The following FAM227B variants were observed in gnomAD, a reference collection of about 807,000 sequenced individuals.
FAM227B encodes the protein family with sequence similarity 227 member B.
FAM227B carries 88 observed loss-of-function variants against 73.8 expected under a neutral mutation model. The ratio of observed to expected loss-of-function variants is 1.19; its 90% confidence interval spans 1.00 to 1.42. FAM227B has a LOEUF of 1.42. Ranked by LOEUF, FAM227B falls within the 40% of genes most tolerant of loss-of-function variation. The pLI is 0.00. For synonymous variants in FAM227B, 210 were observed against 190.5 expected (o/e 1.10, Z -0.84); for missense variants, 632 against 590.9 (o/e 1.07, Z -0.72).
At chr15:49,554,236 A>G (rs1203506217) in intron 9 of FAM227B, among the ~76,000 whole-genome samples, 1 of 152,170 alleles carries the variant, frequency 6.6e-6, no homozygotes, top group East Asian at 1.9e-4. Context: ...GGTCTCTTTC[A>G]GAGCTGTGAG....
At chr15:49,365,685 C>G in intron 13 of FAM227B, 1 of 931,860 alleles carries the variant, frequency 1.1e-6, no homozygotes, top group Admixed American at 1.7e-5. Context: ...AGCTGGCCAA[C>G]TTCAGTGTTT....
chr15:49,489,858 T>TTTTTATATATATATATA, intron 11 of FAM227B, among the ~76,000 whole-genome samples: 1 of 7,366 alleles, frequency 1.4e-4, no homozygotes, highest in South Asian at 7.2e-3. Context: ...TATATATATA[T>TTTTTATATATATATATA]TTTATATATA....
chr15:49,474,298 G>C (rs2055048019), intron 11 of FAM227B, among the ~76,000 whole-genome samples: 1 of 152,130 alleles, frequency 6.6e-6, no homozygotes, highest in South Asian at 2.1e-4. Flanking sequence ...AAGAAACTAA[G>C]GATAATGGGA....
At chr15:49,497,490 G>A (rs935939901) in intron 11 of FAM227B, among the ~76,000 whole-genome samples, 2 of 152,148 alleles carry the variant, frequency 1.3e-5, no homozygotes, top group African/African-American at 2.4e-5. Flanking sequence ...ACCCTGCTCT[G>A]CCATCAAGGA....
intron 12 of FAM227B, among the ~76,000 whole-genome samples, chr15:49,370,872 A>T (rs777992701): frequency 2.0e-5 from 3 of 152,220 alleles, no homozygotes; most frequent in Admixed American, 6.5e-5. Flanking sequence ...ACTCAAGAGT[A>T]ACAGTATCTA....
chr15:49,335,497 G>C lies in FAM227B; in HGVS notation c.1272-1C>G. The C allele has an allele frequency of 1.9e-6, 3 of 1,610,208 alleles. No homozygotes were observed. Among genetic ancestry groups the C allele is most frequent in the Non-Finnish European group, 1.7e-6 (2 of 1,176,778 alleles). On this transcript the variant is annotated splice_acceptor_variant, in intron 13 of 15. Coordinates refer to ENST00000299338, the MANE Select transcript of FAM227B (RefSeq NM_152647.3). LOFTEE classifies it high-confidence loss of function. ...ATCACGGTATGTTGGAGCAGGTAGT[G>C]TGCTAGGCTTATTATTAAGGAATGA...
chr15:49,410,765 T>C (rs1443249104), intron 11 of FAM227B, among the ~76,000 whole-genome samples: 4 of 152,136 alleles, frequency 2.6e-5, no homozygotes, highest in Non-Finnish European at 5.9e-5. Context: ...TGAACCATTA[T>C]GGGTTATTAT....
intron 1 of FAM227B, among the ~76,000 whole-genome samples, chr15:49,615,791 C>T (rs2078252271): frequency 1.3e-5 from 2 of 152,172 alleles, no homozygotes. Flanking sequence ...GGAGGTTCTA[C>T]TACGTCACAT....
chr15:49,495,233 T>C (rs929450388), intron 11 of FAM227B, among the ~76,000 whole-genome samples: 1 of 152,178 alleles, frequency 6.6e-6, no homozygotes, highest in African/African-American at 2.4e-5. Context: ...AAAATTATCT[T>C]GGAAGTTAAA....
rs2060510868 is a variant in FAM227B at position 49,530,250 on chromosome 15, C to A, written c.874+11430G>T. On this transcript the variant is annotated intron_variant, in intron 10 of 15. Transcript: ENST00000299338. ...GATTCACACAGAATGGTTTTGAAAT[C>A]CTGTGGTAAATTCAGTTTGGAATGT... 2.0e-5 allele frequency among the ~76,000 whole-genome samples: 3 copies of A among 151,190 alleles called. No homozygotes were observed. In the South Asian group the frequency reaches 6.2e-4, roughly 31 times the overall value.
chr15:49,396,294 TA>T, intron 11 of FAM227B: 3 of 403,790 alleles, frequency 7.4e-6, no homozygotes, highest in South Asian at 1.7e-5. Context: ...CTGACGGGCT[TA>T]AAAAGCGGCG....
intron 11 of FAM227B, among the ~76,000 whole-genome samples, chr15:49,415,892 G>A (rs2049179098): frequency 6.6e-6 from 1 of 152,092 alleles, no homozygotes; most frequent in African/African-American, 2.4e-5. Context: ...AATTACTTTT[G>A]GGATTTTATG....
intron 4 of FAM227B, 53 bp from the exon 5 acceptor site, chr15:49,588,136 T>A: frequency 9.1e-7 from 1 of 1,093,254 alleles, no homozygotes. Context: ...GAACCTCCTC[T>A]AAAAATAAAC....
At position 49,525,695 on chromosome 15, in the gene FAM227B, T is replaced by C. The variant is rs1375668061; in HGVS notation, c.874+15985A>G. On this transcript the variant is annotated intron_variant, in intron 10 of 15. Transcript: ENST00000299338. ...ATATATATATATATATATATATATA[T>C]ATATATATATATATATATATATATC... Among the ~76,000 whole-genome samples the C allele has an allele frequency of 1.8e-3, 114 of 64,108 alleles. 8 individuals carry two copies. In the East Asian group the frequency reaches 0.02, roughly 11 times the overall value. The allele number at this position is 64,108 out of a possible 152,430, so 42.1% of individuals were successfully genotyped here.
At chr15:49,535,495 AAAG>A in intron 10 of FAM227B, among the ~76,000 whole-genome samples, 1 of 151,952 alleles carries the variant, frequency 6.6e-6, no homozygotes, top group East Asian at 1.9e-4. Context: ...CCAAACATAT[AAAG>A]AAGAATTAAT....
chr15:49,460,088 A>T (rs536397173), intron 11 of FAM227B, among the ~76,000 whole-genome samples: 1 of 152,128 alleles, frequency 6.6e-6, no homozygotes, highest in African/African-American at 2.4e-5. Flanking sequence ...TTTTGTTAGC[A>T]CTGTGACAAC....
In FAM227B at chr15:49,550,239, G is replaced by A. The variant is rs1431316923; in HGVS notation, c.748-8433C>T. On this transcript the variant is annotated intron_variant, in intron 9 of 15. Transcript: ENST00000299338. ...CCCCCACCTCCCTCCCTGACGGGGC[G>A]GCTGGCCGGGCAGAGGGGCTCCTCA... 9.5e-5 allele frequency among the ~76,000 whole-genome samples: 14 copies of A among 147,186 alleles called. No individual in the cohort carries two copies. The East Asian group carries it at 1.7e-3, about 18-fold the overall frequency.
intron 1 of FAM227B, 162 bp downstream of exon 1, chr15:49,620,538 C>T (rs1207301021): frequency 1.3e-5 from 2 of 152,130 alleles, no homozygotes; most frequent in African/African-American, 4.8e-5. Flanking sequence ...CATTAAGATA[C>T]AAATGATTTT....
In FAM227B at chr15:49,392,769, G is replaced by A. The variant is rs562698914; in HGVS notation, c.1013-21370C>T. On this transcript the variant is annotated intron_variant, in intron 11 of 15. Transcript: ENST00000299338. ...TATAGTTGCTTAATGAATGACATGA[G>A]TGATGTGGCTTTACCCCTTAAGTCA... 1.8e-3 allele frequency among the ~76,000 whole-genome samples: 267 copies of A among 152,310 alleles called. 1 individual carries two copies. The highest frequency in any genetic ancestry group is 2.7e-3 in the Non-Finnish European group (187 of 68,022).
Sources: allele counts gnomAD v4.1 joint callset (sites outside exome capture counted in the v4.1 genomes callset), GRCh38; gene constraint gnomAD v4.1.1; transcripts MANE v1.5; gene names NCBI Gene and HGNC (gene_info 2026-07-23, HGNC 2026-07-21).